Variants in CSNK1G1 observed in about 807,000 individuals in gnomAD.
CSNK1G1 encodes casein kinase I isoform gamma-1.
Under a neutral mutation model 59.6 loss-of-function variants are expected in CSNK1G1, and 22 were observed. That is an observed-to-expected ratio of 0.37 (90% CI 0.26 to 0.53). CSNK1G1 has a LOEUF of 0.53. Among genes scored for constraint, CSNK1G1 ranks in the 20% least tolerant of loss-of-function variants. CSNK1G1 has a pLI of 0.89. For missense variants in CSNK1G1, 384 were observed against 519.5 expected, an observed-to-expected ratio of 0.74 and a Z score of 2.54; for synonymous variants, 179 against 177.1, an observed-to-expected ratio of 1.01 and a Z score of -0.08.
At chr15:64,319,046 T>C (rs943664177) in intron 1 of CSNK1G1, among the ~76,000 whole-genome samples, 1 of 151,102 alleles carries the variant, frequency 6.6e-6, no homozygotes, top group African/African-American at 2.4e-5. Flanking sequence ...GAGACAATGT[T>C]TTGCCATGTT....
intron 1 of CSNK1G1, among the ~76,000 whole-genome samples, chr15:64,304,744 C>A (rs1226104421): frequency 1.3e-5 from 2 of 152,170 alleles, no homozygotes; most frequent in Admixed American, 6.5e-5. Context: ...ATTTAAATTT[C>A]AAAGTCAAAA....
intron 10 of CSNK1G1, among the ~76,000 whole-genome samples, chr15:64,201,751 T>TGTGTGTG (rs1555499642): frequency 2.8e-5 from 4 of 142,340 alleles, no homozygotes; most frequent in Admixed American, 1.4e-4. Flanking sequence ...TGTGTGTGTG[T>TGTGTGTG]TTATATACTA....
chr15:64,253,661 G>A (rs998202659), intron 3 of CSNK1G1, among the ~76,000 whole-genome samples: 4 of 152,100 alleles, frequency 2.6e-5, no homozygotes, highest in Admixed American at 6.5e-5. Context: ...AGGTGGAAGC[G>A]ACCTAAGTGT....
At chr15:64,294,942 C>CG (rs1318307288) in intron 2 of CSNK1G1, among the ~76,000 whole-genome samples, 2 of 137,950 alleles carry the variant, frequency 1.4e-5, no homozygotes, top group African/African-American at 2.7e-5. Flanking sequence ...AAAAGAGGGT[C>CG]GGGGGGTGGC....
chr15:64,277,103 G>A (rs1284011632), intron 2 of CSNK1G1, among the ~76,000 whole-genome samples: 1 of 152,078 alleles, frequency 6.6e-6, no homozygotes, highest in East Asian at 1.9e-4. Flanking sequence ...ATATTTTCCT[G>A]CCAATAAGAA....
intron 9 of CSNK1G1, among the ~76,000 whole-genome samples, chr15:64,203,507 G>A (rs981834324): frequency 1.3e-5 from 2 of 151,878 alleles, no homozygotes; most frequent in Non-Finnish European, 2.9e-5. Context: ...AGACCAGACT[G>A]AGCAACATGG....
At chr15:64,236,015 T>A (rs986203870) in intron 4 of CSNK1G1, among the ~76,000 whole-genome samples, 3 of 151,472 alleles carry the variant, frequency 2.0e-5, no homozygotes, top group Non-Finnish European at 2.9e-5. Context: ...TGGTGGCACA[T>A]GCCTGTAATA....
rs2082131789 is a variant in CSNK1G1 at position 64,203,204 on chromosome 15, C to T, written c.1000-15G>A. 1 of 1,572,390 alleles carries T rather than the reference C, an allele frequency of 6.4e-7. No individual in the cohort carries two copies. The highest frequency in any genetic ancestry group is 1.4e-5 in the African/African-American group (1 of 74,022). ...ACTGGAGTAGGCTAGAAAAATGAAA[C>T]AAAAAGTCAAATGGGGGAAACAGGT... is the stretch of plus-strand genomic sequence containing the variant. On this transcript the variant is annotated splice_polypyrimidine_tract_variant and intron_variant, in intron 9 of 11. Transcript: ENST00000303052.
At chr15:64,220,501 CTT>C (rs58347087) in intron 4 of CSNK1G1, among the ~76,000 whole-genome samples, 1 of 140,276 alleles carries the variant, frequency 7.1e-6, no homozygotes, top group Non-Finnish European at 1.6e-5. Context: ...GTGTATAACT[CTT>C]TTTTTTTTTT....
At chr15:64,267,354 T>G (rs1893045933) in intron 2 of CSNK1G1, among the ~76,000 whole-genome samples, 1 of 151,834 alleles carries the variant, frequency 6.6e-6, no homozygotes, top group Admixed American at 6.6e-5. Flanking sequence ...ATTTAAAAGT[T>G]TCTCAACAGA....
chr15:64,305,672 T>C (rs537528930), intron 1 of CSNK1G1, among the ~76,000 whole-genome samples: 2 of 139,068 alleles, frequency 1.4e-5, no homozygotes, highest in Admixed American at 7.9e-5. Context: ...TGCGCTATGA[T>C]AGTGCCAGTA....
intron 1 of CSNK1G1, among the ~76,000 whole-genome samples, chr15:64,326,539 G>A (rs1013770745): frequency 5.3e-5 from 8 of 152,008 alleles, no homozygotes; most frequent in Non-Finnish European, 1.5e-5. Flanking sequence ...AGCCACTCAG[G>A]AGGCCGAAGC....
intron 6 of CSNK1G1, among the ~76,000 whole-genome samples, chr15:64,209,911 C>T (rs1416416331): frequency 6.6e-6 from 1 of 152,114 alleles, no homozygotes. Context: ...CAGTTGAGCA[C>T]TAGAGGGCGA....
At chr15:64,207,685 C>A in intron 6 of CSNK1G1, 91 bp from the exon 7 acceptor site, 2 of 917,780 alleles carry the variant, frequency 2.2e-6, no homozygotes, top group East Asian at 2.5e-5. Flanking sequence ...AACCCTTCGG[C>A]TCTGGAAAGG....
chr15:64,194,660 G>A (rs541543072), intron 10 of CSNK1G1, among the ~76,000 whole-genome samples: 1 of 151,902 alleles, frequency 6.6e-6, no homozygotes, highest in East Asian at 1.9e-4. Context: ...GGGATTACAG[G>A]CATGAGCCAC....
intron 2 of CSNK1G1, among the ~76,000 whole-genome samples, chr15:64,261,592 ACT>A (rs1213781091): frequency 6.6e-6 from 1 of 150,922 alleles, no homozygotes; most frequent in Non-Finnish European, 1.5e-5. Flanking sequence ...GAGGAACAAA[ACT>A]CTGTCTCAAA....
At chr15:64,315,355 T>C (rs935258468) in intron 1 of CSNK1G1, among the ~76,000 whole-genome samples, 6 of 152,118 alleles carry the variant, frequency 3.9e-5, no homozygotes, top group Non-Finnish European at 7.4e-5. Flanking sequence ...AGTAAAGAGG[T>C]AGCAGGAGTC....
intron 1 of CSNK1G1, among the ~76,000 whole-genome samples, chr15:64,326,832 C>G (rs1285203793): frequency 1.3e-5 from 2 of 150,854 alleles, no homozygotes; most frequent in African/African-American, 2.4e-5. Flanking sequence ...GTGCGCGAGC[C>G]GAAGCAGGGC....
At chr15:64,248,962 T>C (rs62021603) in intron 4 of CSNK1G1, among the ~76,000 whole-genome samples, 8,325 of 151,812 alleles carry the variant, frequency 0.055, 703 homozygotes, top group African/African-American at 0.18. Context: ...CTATTAAAAT[T>C]ACAAAAAAAA....
Sources: allele counts gnomAD v4.1 joint callset (sites outside exome capture counted in the v4.1 genomes callset), GRCh38; gene constraint gnomAD v4.1.1; transcripts MANE v1.5; gene names NCBI Gene and HGNC (gene_info 2026-07-23, HGNC 2026-07-21).